The following LDB2 variants were observed in gnomAD, a reference collection of about 807,000 sequenced individuals.
LDB2 encodes LIM domain-binding protein 2.
LDB2 carries 12 observed loss-of-function variants against 44.3 expected under a neutral mutation model. The ratio of observed to expected loss-of-function variants is 0.27; its 90% CI spans 0.17 to 0.44. The LOEUF (loss-of-function observed/expected upper bound fraction) is 0.44, where lower values mean the gene tolerates loss of function less well. LDB2 is among the 20% of genes least tolerant of loss of function. The pLI is 1.00. For missense variants in LDB2, 344 were observed against 473.5 expected, an observed-to-expected ratio of 0.73 and a Z score of 2.54; for synonymous variants, 164 against 174.8, an observed-to-expected ratio of 0.94 and a Z score of 0.49.
At chr4:16,808,244 A>G (rs1779153456) in intron 1 of LDB2, among the ~76,000 whole-genome samples, 1 of 152,204 alleles carries the variant, frequency 6.6e-6, no homozygotes, top group Non-Finnish European at 1.5e-5. Context: ...TTGTCTTTGG[A>G]TCTCAAATGC....
At chr4:16,602,534 A>G (rs1010923744) in intron 2 of LDB2, among the ~76,000 whole-genome samples, 27 of 152,280 alleles carry the variant, frequency 1.8e-4, no homozygotes, top group African/African-American at 6.3e-4. Flanking sequence ...AACCACGGCA[A>G]ATGGCTTCCG....
chr4:16,642,529 A>G (rs1229780207), intron 2 of LDB2, among the ~76,000 whole-genome samples: 2 of 152,138 alleles, frequency 1.3e-5, no homozygotes, highest in Admixed American at 6.6e-5. Context: ...AAGAAAGAAA[A>G]TCTCACAAAA....
intron 1 of LDB2, among the ~76,000 whole-genome samples, chr4:16,770,900 C>T (rs926790496): frequency 9.9e-5 from 15 of 152,074 alleles, no homozygotes; most frequent in African/African-American, 2.7e-4. Context: ...CAGTGAGCAC[C>T]GCGCATCGTA....
At chr4:16,864,768 T>C (rs2110293649) in intron 1 of LDB2, among the ~76,000 whole-genome samples, 1 of 151,680 alleles carries the variant, frequency 6.6e-6, no homozygotes, top group East Asian at 2.0e-4. Flanking sequence ...CTACTAAAAA[T>C]ACAAAAATTA....
At chr4:16,847,323 C>G (rs1787228196) in intron 1 of LDB2, among the ~76,000 whole-genome samples, 1 of 152,004 alleles carries the variant, frequency 6.6e-6, no homozygotes, top group African/African-American at 2.4e-5. Flanking sequence ...TCACTTATAT[C>G]CATACTAATG....
intron 1 of LDB2, among the ~76,000 whole-genome samples, chr4:16,844,383 G>T (rs1786538844): frequency 6.6e-6 from 1 of 151,266 alleles, no homozygotes; most frequent in Non-Finnish European, 1.5e-5. Flanking sequence ...CTTGGCCAAT[G>T]ACCTCCCTTT....
At chr4:16,552,697 T>C (rs141993851) in intron 5 of LDB2, among the ~76,000 whole-genome samples, 282 of 152,356 alleles carry the variant, frequency 1.9e-3, no homozygotes, top group African/African-American at 6.3e-3. Context: ...AGCTCCTTTC[T>C]CAAGGAAAGC....
chr4:16,613,650 A>C (rs969297337), intron 2 of LDB2, among the ~76,000 whole-genome samples: 3 of 152,192 alleles, frequency 2.0e-5, no homozygotes, highest in African/African-American at 7.2e-5. Context: ...CCAAATCATG[A>C]ATGAACTCCC....
rs1722607865 is a variant in LDB2, at chr4:16,513,623, G to A, written c.616-1519C>T. Among the ~76,000 whole-genome samples, 2 of 152,198 alleles carry A rather than the reference G, an allele frequency of 1.3e-5. 1 individual carries two copies. The highest frequency in any genetic ancestry group is 4.1e-4 in the South Asian group (2 of 4,830). ...TCCATCAGAATCAAATGGGCTGACT[G>A]TTAAAAATTCAGATTTCAGGGCTAT... On this transcript the variant is annotated intron_variant, in intron 5 of 7. Coordinates refer to ENST00000304523, the MANE Select transcript of LDB2 (RefSeq NM_001290.5).
chr4:16,648,444 T>C (rs555863067), intron 2 of LDB2, among the ~76,000 whole-genome samples: 54 of 152,342 alleles, frequency 3.5e-4, no homozygotes, highest in African/African-American at 1.3e-3. Flanking sequence ...TACATTTTCA[T>C]CCCTACCTGT....
intron 1 of LDB2, among the ~76,000 whole-genome samples, chr4:16,897,938 ACACATATG>A (rs1241619686): frequency 5.7e-3 from 80 of 14,084 alleles, no homozygotes; most frequent in East Asian, 0.021. Context: ...ATATATATAT[ACACATATG>A]TATATATATA....
intron 5 of LDB2, among the ~76,000 whole-genome samples, chr4:16,562,318 C>T (rs548849652): frequency 9.9e-4 from 150 of 152,284 alleles, no homozygotes; most frequent in Middle Eastern, 6.8e-3. Flanking sequence ...ACAACCTACT[C>T]ATCTGACAAA....
intron 2 of LDB2, among the ~76,000 whole-genome samples, chr4:16,631,727 G>T (rs891788383): frequency 1.3e-5 from 2 of 152,070 alleles, no homozygotes; most frequent in African/African-American, 4.8e-5. Flanking sequence ...GAATCAAATA[G>T]ATGCAATAAA....
intron 1 of LDB2, among the ~76,000 whole-genome samples, chr4:16,829,504 G>A (rs1006323230): frequency 1.3e-5 from 2 of 152,140 alleles, no homozygotes; most frequent in Non-Finnish European, 2.9e-5. Context: ...AATATAAAAA[G>A]AGGGCACATT....
intron 2 of LDB2, among the ~76,000 whole-genome samples, chr4:16,603,382 A>G (rs1280878390): frequency 6.6e-6 from 1 of 152,210 alleles, no homozygotes; most frequent in Non-Finnish European, 1.5e-5. Flanking sequence ...AATCAGGCAC[A>G]GAGGGCGCAG....
At chr4:16,840,022 T>C (rs1785572229) in intron 1 of LDB2, among the ~76,000 whole-genome samples, 1 of 152,232 alleles carries the variant, frequency 6.6e-6, no homozygotes, top group Non-Finnish European at 1.5e-5. Flanking sequence ...ATCCTTTGCA[T>C]GCTAGTAGTA....
intron 4 of LDB2, among the ~76,000 whole-genome samples, chr4:16,586,487 TACACACACACACACAC>T (rs5856368): frequency 3.9e-5 from 5 of 128,838 alleles, no homozygotes; most frequent in East Asian, 2.5e-4. Context: ...TGTCTTGAAA[TACACACACACACACAC>T]ACACACACAC....
At chr4:16,762,871 G>A (rs115303450) in intron 1 of LDB2, among the ~76,000 whole-genome samples, 1,713 of 152,266 alleles carry the variant, frequency 0.011, 37 homozygotes, top group African/African-American at 0.039. Flanking sequence ...AATGAGGTTC[G>A]AGGAATGTCT....
intron 2 of LDB2, 83 bp from the exon 3 acceptor site, chr4:16,595,958 TA>T: frequency 7.5e-7 from 1 of 1,332,978 alleles, no homozygotes; most frequent in Non-Finnish European, 1.0e-6. Context: ...CCAAACCTCC[TA>T]AAACCGGATA....
Sources: allele counts gnomAD v4.1 joint callset (sites outside exome capture counted in the v4.1 genomes callset), GRCh38; gene constraint gnomAD v4.1.1; transcripts MANE v1.5; gene names NCBI Gene and HGNC (gene_info 2026-07-23, HGNC 2026-07-21).